VAV3: variants seen among roughly 807,000 people sequenced by gnomAD.
VAV3 encodes guanine nucleotide exchange factor VAV3.
A neutral mutation model predicts 131.2 loss-of-function variants in VAV3; 94 were observed. That is an observed-to-expected ratio of 0.72 (90% CI 0.61 to 0.85). The LOEUF (loss-of-function observed/expected upper bound fraction) is 0.85, where lower values mean the gene tolerates loss of function less well. Among genes scored for constraint, VAV3 ranks in the 40% least tolerant of loss-of-function variants. VAV3 has a pLI of 0.00. For missense variants in VAV3, 939 were observed against 1,002.7 expected, an observed-to-expected ratio of 0.94 and a Z score of 0.86; for synonymous variants, 349 against 342.0, an observed-to-expected ratio of 1.02 and a Z score of -0.22.
chr1:107,741,671 A>G (rs1663032110), intron 15 of VAV3, among the ~76,000 whole-genome samples: 1 of 152,200 alleles, frequency 6.6e-6, no homozygotes, highest in Non-Finnish European at 1.5e-5. Flanking sequence ...AAAACCAAAA[A>G]AGCCACAGTG....
rs564016647 is a variant in VAV3 at position 107,948,389 on chromosome 1, T to C, written c.204+16277A>G. On this transcript the variant is annotated intron_variant, in intron 1 of 26. Transcript: ENST00000370056. ...CTTGAGGGTCATTAGTGTTCTGTAATGAAAACCTGCATTTAGACTGGTTCT... is the reference window on the plus strand; with the variant it reads ...CTTGAGGGTCATTAGTGTTCTGTAACGAAAACCTGCATTTAGACTGGTTCT... Among the ~76,000 whole-genome samples, 13 of 152,308 alleles carry C rather than the reference T, an allele frequency of 8.5e-5. No individual in the cohort carries two copies. In the East Asian group the frequency reaches 2.5e-3, roughly 29 times the overall value.
At chr1:107,789,121 C>G (rs1666159364) in intron 2 of VAV3, among the ~76,000 whole-genome samples, 1 of 152,172 alleles carries the variant, frequency 6.6e-6, no homozygotes, top group African/African-American at 2.4e-5. Flanking sequence ...TTGATGTGAT[C>G]TGAAATAGAC....
At chr1:107,731,973 T>C (rs1323553793) in intron 15 of VAV3, among the ~76,000 whole-genome samples, 3 of 152,190 alleles carry the variant, frequency 2.0e-5, no homozygotes, top group Non-Finnish European at 4.4e-5. Context: ...AGCGAAAGCA[T>C]ATACACTTAA....
At chr1:107,628,493 A>T (rs549919612) in intron 20 of VAV3, among the ~76,000 whole-genome samples, 1 of 152,254 alleles carries the variant, frequency 6.6e-6, no homozygotes, top group African/African-American at 2.4e-5. Flanking sequence ...TTGCCTCTGA[A>T]ATCAGCATGA....
At chr1:107,913,790 AT>A (rs1239024647) in intron 1 of VAV3, among the ~76,000 whole-genome samples, 8 of 152,060 alleles carry the variant, frequency 5.3e-5, no homozygotes, top group South Asian at 4.2e-4. Context: ...ACAAATTATT[AT>A]TTTTTTTAAT....
chr1:107,713,543 A>G (rs1168159558), intron 15 of VAV3, among the ~76,000 whole-genome samples: 1 of 152,178 alleles, frequency 6.6e-6, no homozygotes, highest in Admixed American at 6.5e-5. Context: ...AAATAAAATA[A>G]AAACAATACA....
intron 1 of VAV3, among the ~76,000 whole-genome samples, chr1:107,907,645 T>C (rs1672167177): frequency 6.6e-6 from 1 of 152,038 alleles, no homozygotes; most frequent in African/African-American, 2.4e-5. Context: ...CCCCTCTTGC[T>C]CTCGTGTGCG....
At chr1:107,592,731 G>C (rs1324202509) in intron 25 of VAV3, among the ~76,000 whole-genome samples, 2 of 152,088 alleles carry the variant, frequency 1.3e-5, no homozygotes, top group Non-Finnish European at 2.9e-5. Flanking sequence ...AGATGAGAAA[G>C]CTAAGGTCCA....
intron 19 of VAV3, among the ~76,000 whole-genome samples, chr1:107,654,749 T>C (rs1252646173): frequency 6.6e-6 from 1 of 152,064 alleles, no homozygotes; most frequent in Non-Finnish European, 1.5e-5. Context: ...AAATGTAGCA[T>C]AACAAGCTAC....
At chr1:107,890,210 A>G (rs1671248118) in intron 1 of VAV3, among the ~76,000 whole-genome samples, 1 of 152,158 alleles carries the variant, frequency 6.6e-6, no homozygotes. Context: ...AGTGCTAACC[A>G]TTACACTATG....
chr1:107,816,364 GAGAT>G (rs1667560356), intron 2 of VAV3, among the ~76,000 whole-genome samples: 2 of 152,256 alleles, frequency 1.3e-5, no homozygotes, highest in South Asian at 4.1e-4. Context: ...AAGATTAAAT[GAGAT>G]AGATAATGAA....
chr1:107,734,203 G>A (rs1662443501), intron 15 of VAV3, among the ~76,000 whole-genome samples: 1 of 152,150 alleles, frequency 6.6e-6, no homozygotes, highest in African/African-American at 2.4e-5. Context: ...AAGAGCTCCT[G>A]AAGGAAGCAC....
chr1:107,869,026 T>C (rs1032972024), intron 2 of VAV3, among the ~76,000 whole-genome samples: 8 of 152,146 alleles, frequency 5.3e-5, no homozygotes, highest in Non-Finnish European at 1.2e-4. Context: ...ACCCAGATGG[T>C]TATAGCTCCT....
rs571299842 is a variant in VAV3, at chr1:107,745,154, A to T, written c.1502+3814T>A. 4.9e-4 allele frequency among the ~76,000 whole-genome samples: 75 copies of T among 152,332 alleles called. No individual in the cohort carries two copies. In the South Asian group the frequency reaches 5.4e-3, roughly 11 times the overall value. On this transcript the variant is annotated intron_variant, in intron 15 of 26. Coordinates refer to ENST00000370056, the MANE Select transcript of VAV3 (RefSeq NM_006113.5). ...ATAAAACCATTTGCCGTCCTGTTTC[A>T]CATATGACTAAATGGAATTGTGAGA...
At chr1:107,769,346 T>C (rs1664911354) in intron 6 of VAV3, among the ~76,000 whole-genome samples, 1 of 152,226 alleles carries the variant, frequency 6.6e-6, no homozygotes. Context: ...ACATTACCGA[T>C]CGTCTAATTT....
chr1:107,873,035 C>T (rs1470934032), intron 2 of VAV3, among the ~76,000 whole-genome samples: 1 of 152,140 alleles, frequency 6.6e-6, no homozygotes, highest in Non-Finnish European at 1.5e-5. Flanking sequence ...ATAGCTACTC[C>T]AATCTTGGCA....
chr1:107,799,093 T>C (rs945427547), intron 2 of VAV3, among the ~76,000 whole-genome samples: 6 of 152,144 alleles, frequency 3.9e-5, no homozygotes, highest in African/African-American at 1.4e-4. Flanking sequence ...CTTTGAGCAA[T>C]CACAACCTTA....
intron 13 of VAV3, among the ~76,000 whole-genome samples, chr1:107,750,521 G>A (rs1438341701): frequency 6.6e-6 from 1 of 152,166 alleles, no homozygotes; most frequent in African/African-American, 2.4e-5. Flanking sequence ...GAGGTTTAAA[G>A]GACCTATGGA....
At chr1:107,824,308 A>G (rs1427289808) in intron 2 of VAV3, among the ~76,000 whole-genome samples, 1 of 152,228 alleles carries the variant, frequency 6.6e-6, no homozygotes, top group Admixed American at 6.5e-5. Flanking sequence ...GGAAATGAGA[A>G]TAAGGTGATA....
Sources: allele counts gnomAD v4.1 joint callset (sites outside exome capture counted in the v4.1 genomes callset), GRCh38; gene constraint gnomAD v4.1.1; transcripts MANE v1.5; gene names NCBI Gene and HGNC (gene_info 2026-07-23, HGNC 2026-07-21).